Variants in RGS8 observed in about 807,000 individuals in gnomAD.
The protein encoded by RGS8 is regulator of G protein signaling 8.
RGS8 carries 8 observed loss-of-function variants against 21.7 expected under a neutral mutation model. That is an observed-to-expected ratio of 0.37 (90% CI 0.22 to 0.66). The LOEUF (loss-of-function observed/expected upper bound fraction) is 0.66. Ranked by LOEUF, RGS8 falls within the 30% of genes least tolerant of loss-of-function variation. The pLI is 0.59. For missense variants in RGS8, 157 were observed against 217.9 expected (o/e 0.72, Z 1.76); for synonymous variants, 80 against 83.6 (o/e 0.96, Z 0.24).
chr1:182,694,517 T>C, the RGS8 span, among the ~76,000 whole-genome samples: 2 of 152,182 alleles, frequency 1.3e-5, no homozygotes. Flanking sequence ...TAAAAAATGC[T>C]TATCTGTGGC....
chr1:182,708,131 G>T, the RGS8 span, among the ~76,000 whole-genome samples: 922 of 152,304 alleles, frequency 6.1e-3, 12 homozygotes, highest in African/African-American at 0.021. Context: ...CAGTAGTGCA[G>T]ATGGAATTCA....
the RGS8 span, among the ~76,000 whole-genome samples, chr1:182,725,030 G>C: frequency 6.6e-6 from 1 of 152,180 alleles, no homozygotes; most frequent in Non-Finnish European, 1.5e-5. Flanking sequence ...GGGAAAGGCT[G>C]ATGGGTTAAC....
the RGS8 span, among the ~76,000 whole-genome samples, chr1:182,724,925 A>G: frequency 6.6e-6 from 1 of 152,166 alleles, no homozygotes; most frequent in East Asian, 1.9e-4. Flanking sequence ...TCATTCTGTC[A>G]CTGTTGTAAG....
the RGS8 span, among the ~76,000 whole-genome samples, chr1:182,712,700 G>T: frequency 4.1e-4 from 63 of 152,232 alleles, 1 homozygote; most frequent in African/African-American, 1.5e-3. Flanking sequence ...GAAATAAATA[G>T]ACAAAATTAA....
intron 5 of RGS8, among the ~76,000 whole-genome samples, chr1:182,652,469 G>T (rs1663067139): frequency 6.6e-6 from 1 of 152,198 alleles, no homozygotes; most frequent in South Asian, 2.1e-4. Flanking sequence ...TCTTACAGAT[G>T]AGGAAACCAA....
the RGS8 span, among the ~76,000 whole-genome samples, chr1:182,742,600 G>A: frequency 5.3e-5 from 8 of 152,240 alleles, no homozygotes; most frequent in Non-Finnish European, 8.8e-5. Context: ...CCAGTCAGGC[G>A]TGGTGGCGCG....
chr1:182,742,064 G>GGAT, the RGS8 span, among the ~76,000 whole-genome samples: 1 of 149,204 alleles, frequency 6.7e-6, no homozygotes, highest in Non-Finnish European at 1.5e-5. Flanking sequence ...ATCCCGGACG[G>GGAT]GGCGGCAGGG....
chr1:182,728,606 A>T, the RGS8 span, among the ~76,000 whole-genome samples: 2 of 152,220 alleles, frequency 1.3e-5, no homozygotes, highest in East Asian at 3.8e-4. Flanking sequence ...GGCAAGGTCC[A>T]AATTTGATGG....
At chr1:182,745,118 C>T in the RGS8 span, among the ~76,000 whole-genome samples, 1 of 152,210 alleles carries the variant, frequency 6.6e-6, no homozygotes, top group South Asian at 2.1e-4. Flanking sequence ...AGCTTCCTTT[C>T]AAGAATTTTG....
At chr1:182,681,196 A>C (rs964117959) in intron 1 of RGS8, among the ~76,000 whole-genome samples, 5 of 152,142 alleles carry the variant, frequency 3.3e-5, no homozygotes, top group South Asian at 2.1e-4. Flanking sequence ...GGAGGGCCAA[A>C]GGTGGAGAAG....
chr1:182,663,018 T>A (rs1663674328), intron 5 of RGS8, among the ~76,000 whole-genome samples: 1 of 152,162 alleles, frequency 6.6e-6, no homozygotes, highest in Non-Finnish European at 1.5e-5. Flanking sequence ...GCTGCCTACA[T>A]GTAGAGAATT....
the RGS8 span, among the ~76,000 whole-genome samples, chr1:182,730,885 G>A: frequency 9.9e-5 from 15 of 152,086 alleles, no homozygotes; most frequent in African/African-American, 3.6e-4. Flanking sequence ...CCAGAAAACT[G>A]TATTTTTAAC....
At chr1:182,695,793 G>A in the RGS8 span, among the ~76,000 whole-genome samples, 5 of 152,180 alleles carry the variant, frequency 3.3e-5, no homozygotes, top group African/African-American at 1.2e-4. Context: ...CTTTAGAGAG[G>A]AGAGATTGGA....
At chr1:182,671,854 A>G in exon 1 of RGS8, 1 of 1,539,232 alleles carries the variant, frequency 6.5e-7, no homozygotes, top group Non-Finnish European at 8.8e-7. Flanking sequence ...CACACCTCCC[A>G]CCACTTGAGC....
chr1:182,711,040 C>T, the RGS8 span, among the ~76,000 whole-genome samples: 1 of 152,142 alleles, frequency 6.6e-6, no homozygotes, highest in Admixed American at 6.5e-5. Context: ...AAGGACACCA[C>T]TTTGCATGGG....
the RGS8 span, among the ~76,000 whole-genome samples, chr1:182,722,217 G>GA: frequency 6.2e-5 from 9 of 144,532 alleles, no homozygotes; most frequent in Non-Finnish European, 1.4e-4. Flanking sequence ...AGAAACAAGT[G>GA]TTTTTTTTTT....
the RGS8 span, among the ~76,000 whole-genome samples, chr1:182,693,243 C>A: frequency 6.6e-6 from 1 of 152,112 alleles, no homozygotes; most frequent in African/African-American, 2.4e-5. Flanking sequence ...GGTTTAATAT[C>A]CAGAACCTAT....
the RGS8 span, among the ~76,000 whole-genome samples, chr1:182,700,685 A>C: frequency 6.6e-6 from 1 of 152,226 alleles, no homozygotes; most frequent in Non-Finnish European, 1.5e-5. Flanking sequence ...TACTAAGTAC[A>C]CAAAACCGAA....
At chr1:182,716,475 T>G in the RGS8 span, among the ~76,000 whole-genome samples, 3 of 115,246 alleles carry the variant, frequency 2.6e-5, no homozygotes, top group Admixed American at 8.0e-5. Flanking sequence ...TTTTTTATTG[T>G]TTTTTTTTTC....
Sources: allele counts gnomAD v4.1 joint callset (sites outside exome capture counted in the v4.1 genomes callset), GRCh38; gene constraint gnomAD v4.1.1; transcripts MANE v1.5; gene names NCBI Gene and HGNC (gene_info 2026-07-23, HGNC 2026-07-21).